C8orf88: variants seen among roughly 807,000 people sequenced by gnomAD.
C8orf88 encodes the protein chromosome 8 open reading frame 88.
C8orf88 carries 14 observed loss-of-function variants against 18.4 expected under a neutral mutation model. The observed-to-expected ratio is 0.76, with a 90% CI of 0.50 to 1.19. The LOEUF is 1.19. Among genes scored for constraint, C8orf88 ranks in the 50% most tolerant of loss-of-function variants. C8orf88 has a pLI of 0.00. For synonymous variants in C8orf88, 45 were observed against 42.9 expected (o/e 1.05, Z -0.19); for missense variants, 116 against 134.7 (o/e 0.86, Z 0.69).
chr8:90,972,566 A>G (rs565269676), intron 3 of C8orf88, among the ~76,000 whole-genome samples: 3 of 152,216 alleles, frequency 2.0e-5, no homozygotes, highest in African/African-American at 7.2e-5. Context: ...AACTTAAAAT[A>G]CTGATTATTT....
At chr8:90,977,609 C>T (rs1041022571) in intron 3 of C8orf88, among the ~76,000 whole-genome samples, 5 of 151,986 alleles carry the variant, frequency 3.3e-5, no homozygotes, top group Non-Finnish European at 5.9e-5. Flanking sequence ...TACAAATATA[C>T]TTATGGTTGT....
intron 4 of C8orf88, among the ~76,000 whole-genome samples, chr8:90,969,038 T>G (rs1436707171): frequency 6.6e-6 from 1 of 151,760 alleles, no homozygotes; most frequent in Non-Finnish European, 1.5e-5. Context: ...ATGGTAGAAC[T>G]GCTGTGAAAA....
intron 3 of C8orf88, among the ~76,000 whole-genome samples, chr8:90,975,347 A>T (rs1811332846): frequency 6.6e-6 from 1 of 152,156 alleles, no homozygotes; most frequent in Non-Finnish European, 1.5e-5. Context: ...AACAGATCAT[A>T]ATAGTTTTGA....
intron 3 of C8orf88, among the ~76,000 whole-genome samples, chr8:90,977,160 G>A (rs1811362796): frequency 6.6e-6 from 1 of 152,052 alleles, no homozygotes; most frequent in Non-Finnish European, 1.5e-5. Flanking sequence ...GATCCAAATG[G>A]TCAAACTAGA....
chr8:90,985,328 G>C (rs2631020), upstream of C8orf88: 1 of 151,232 alleles, frequency 6.6e-6, no homozygotes, highest in Non-Finnish European at 1.5e-5. Context: ...CCCAGGGCGG[G>C]CGCGGGGCGT....
At chr8:90,964,797 C>T (rs888216793) in intron 4 of C8orf88, among the ~76,000 whole-genome samples, 1 of 151,352 alleles carries the variant, frequency 6.6e-6, no homozygotes, top group Non-Finnish European at 1.5e-5. Context: ...TTTTATATAA[C>T]ATTGGAACTA....
intron 1 of C8orf88, among the ~76,000 whole-genome samples, chr8:90,980,682 ACT>A (rs1479892109): frequency 6.6e-6 from 1 of 151,746 alleles, no homozygotes; most frequent in Non-Finnish European, 1.5e-5. Context: ...AACTTTACTG[ACT>A]CTATATTTCT....
rs1045152109 is a variant in C8orf88, at chr8:90,978,643, A to G, written c.83T>C (p.Phe28Ser). The G allele has an allele frequency of 2.0e-6, 3 of 1,523,178 alleles. No individual in the cohort carries two copies. Among genetic ancestry groups the G allele is most frequent in the Admixed American group, 2.0e-5 (1 of 50,442 alleles). 94.4% of individuals were successfully genotyped at this position (1,523,178 alleles called of 1,614,324 possible). A position where few individuals can be genotyped will look rare whatever the true frequency, so the allele number is the denominator to read the frequency against. ...RHLTSPPGAV[F>S]PFNFQNEYPC... The stretch of plus-strand genomic sequence containing the variant: ...ATATTCGTTTTGAAAGTTGAAAGGG[A>G]ACACTGCTCCTGTTAGGAGAGGAAG... The change falls in exon 3 of 6, where the codon TTC becomes TCC. Residue 28 changes from phenylalanine (F) to serine (S), a missense_variant. Coordinates refer to ENST00000517562, the MANE Select transcript of C8orf88 (RefSeq NM_001190972.2).
chr8:90,965,062 A>C (rs1811175003), intron 4 of C8orf88, among the ~76,000 whole-genome samples: 1 of 151,576 alleles, frequency 6.6e-6, no homozygotes, highest in South Asian at 2.1e-4. Context: ...TAAACTTTTC[A>C]ATTATTATAA....
At chr8:90,964,057 A>C (rs2130302879) in intron 4 of C8orf88, among the ~76,000 whole-genome samples, 1 of 151,840 alleles carries the variant, frequency 6.6e-6, no homozygotes, top group East Asian at 1.9e-4. Flanking sequence ...AAAGCAATTC[A>C]AGATTTCCAA....
chr8:90,978,896 A>G (rs1316513242), intron 2 of C8orf88, among the ~76,000 whole-genome samples: 1 of 152,240 alleles, frequency 6.6e-6, no homozygotes, highest in Admixed American at 6.5e-5. Flanking sequence ...ACAAGTTCAT[A>G]CATAATGATT....
At position 90,960,824 on chromosome 8, in the gene C8orf88, A is replaced by C. The variant is rs758335447; in HGVS notation, c.248T>G (p.Phe83Cys). The change falls in exon 5 of 6, where the codon TTC becomes TGC. Residue 83 changes from phenylalanine to cysteine, a missense_variant. Phe to Cys is a radical substitution (Grantham distance 205). Coordinates refer to ENST00000517562, the MANE Select transcript of C8orf88 (RefSeq NM_001190972.2). ...GGAAACACTTGAGAGCTTCAACAGG[A>C]AATCTCTGCTGTATTTAATTCTCTC... ...KKERIKYSRD[F>C]LLKLSSVSIC... The C allele has an allele frequency of 5.2e-6, 8 of 1,529,220 alleles. No homozygotes were observed. In the African/African-American group the frequency reaches 1.1e-4, roughly 21 times the overall value. 94.7% of individuals were successfully genotyped at this position (1,529,220 alleles called of 1,614,324 possible). A position where few individuals can be genotyped will look rare whatever the true frequency, so the allele number is the denominator to read the frequency against.
At chr8:90,981,696 A>G (rs149484460) in intron 1 of C8orf88, among the ~76,000 whole-genome samples, 8 of 152,244 alleles carry the variant, frequency 5.3e-5, no homozygotes, top group African/African-American at 1.2e-4. Context: ...ACCAGACCTT[A>G]TTTATTTTTG....
At chr8:90,963,643 A>T (rs190414505) in intron 4 of C8orf88, among the ~76,000 whole-genome samples, 1 of 151,904 alleles carries the variant, frequency 6.6e-6, no homozygotes, top group East Asian at 1.9e-4. Context: ...AGCCAGATAG[A>T]AATTATTGAG....
intron 3 of C8orf88, among the ~76,000 whole-genome samples, chr8:90,974,306 C>G (rs575809905): frequency 6.6e-6 from 1 of 152,260 alleles, no homozygotes; most frequent in African/African-American, 2.4e-5. Context: ...GAACATTAGT[C>G]TTGGAACCCA....
intron 4 of C8orf88, among the ~76,000 whole-genome samples, chr8:90,968,252 C>T (rs140635642): frequency 6.6e-6 from 1 of 151,656 alleles, no homozygotes; most frequent in African/African-American, 2.4e-5. Context: ...AATTAAGAGT[C>T]CAGGAATAAA....
intron 4 of C8orf88, among the ~76,000 whole-genome samples, chr8:90,963,310 T>C (rs912433790): frequency 6.6e-6 from 1 of 151,554 alleles, no homozygotes; most frequent in African/African-American, 2.4e-5. Flanking sequence ...TAACAACAAC[T>C]ACTACAACAA....
chr8:90,974,633 A>G (rs1811322479), intron 3 of C8orf88, among the ~76,000 whole-genome samples: 1 of 152,216 alleles, frequency 6.6e-6, no homozygotes, highest in Non-Finnish European at 1.5e-5. Context: ...AGAAATAATG[A>G]AAAACAGGTT....
At chr8:90,976,552 A>AAAT (rs1811354213) in intron 3 of C8orf88, among the ~76,000 whole-genome samples, 1 of 152,090 alleles carries the variant, frequency 6.6e-6, no homozygotes, top group African/African-American at 2.4e-5. Flanking sequence ...CATTTCTATG[A>AAAT]CTTATAGAAA....
Sources: gnomAD v4.1 joint callset for allele counts (sites outside exome capture counted in the v4.1 genomes callset) on GRCh38, gnomAD v4.1.1 for gene constraint, MANE v1.5 for transcripts, NCBI Gene and HGNC (gene_info 2026-07-23, HGNC 2026-07-21) for gene names.